Variants in RAB8A observed in about 807,000 individuals in gnomAD.
The protein encoded by RAB8A is ras-related protein Rab-8A.
Under a neutral mutation model 29.2 loss-of-function variants are expected in RAB8A, and 5 were observed. The observed-to-expected ratio is 0.17, with a 90% confidence interval of 0.09 to 0.36. The LOEUF (loss-of-function observed/expected upper bound fraction) is 0.36. Among genes scored for constraint, RAB8A ranks in the 10% least tolerant of loss-of-function variants. The pLI, the probability that RAB8A is intolerant of heterozygous loss-of-function variation, is 1.00. For synonymous variants in RAB8A, 108 were observed against 99.9 expected (o/e 1.08, Z -0.49); for missense variants, 171 against 272.2 (o/e 0.63, Z 2.62).
intron 1 of RAB8A, among the ~76,000 whole-genome samples, chr19:16,113,165 GT>G (rs2090831552): frequency 6.6e-6 from 1 of 152,206 alleles, no homozygotes; most frequent in African/African-American, 2.4e-5. Context: ...CAATGAAAAG[GT>G]TTGACCCAGG....
chr19:16,127,680 C>T lies in RAB8A; in HGVS notation c.414+154C>T, dbSNP rs183485685. On this transcript the variant is annotated intron_variant, in intron 5 of 7. Coordinates refer to ENST00000300935, the MANE Select transcript of RAB8A (RefSeq NM_005370.5). This position sits in a 1 kb window ranked among gnomAD's most constrained non-coding sequence, Gnocchi z 4.8. ...GGGATGACAGAAGCACACACCCAGC[C>T]GGGGCTTCTTGGGTGCACTCTGCGG... 392 of 645,060 alleles carry T rather than the reference C, an allele frequency of 6.1e-4. 4 individuals are homozygous for T. The Middle Eastern group carries it at 6.3e-3, about 10-fold the overall frequency. The allele number at this position is 645,060 out of a possible 1,614,324, so 40.0% of individuals were successfully genotyped here. A position where few individuals can be genotyped will look rare whatever the true frequency, so the allele number is the denominator to read the frequency against.
intron 3 of RAB8A, chr19:16,124,952 C>G: frequency 5.2e-6 from 1 of 190,704 alleles, no homozygotes; most frequent in Admixed American, 5.3e-5. Context: ...ACAGCCGGTT[C>G]CCTCTGTGGT....
intron 1 of RAB8A, among the ~76,000 whole-genome samples, chr19:16,115,660 A>C (rs1282989994): frequency 2.0e-5 from 3 of 152,228 alleles, no homozygotes; most frequent in Admixed American, 6.5e-5. Flanking sequence ...TGGGCCAGGC[A>C]GCCATTTTGG....
At chr19:16,112,075 C>T in intron 1 of RAB8A, 50 bp downstream of exon 1, 1 of 1,604,282 alleles carries the variant, frequency 6.2e-7, no homozygotes, top group Non-Finnish European at 8.5e-7. Context: ...GGGCTGGGCG[C>T]GCCCCTGAGG....
At position 16,125,010 on chromosome 19, in the gene RAB8A, C is replaced by CAGTAAA; in HGVS notation, c.247-457_247-456insAAAAGT. The stretch of plus-strand genomic sequence containing the variant: ...ATGTCGGGTCAGGACTTCCTGGGCT[C>CAGTAAA]AGTTGTGCCTGGTAGGTGGCTCAGG... On this transcript the variant is annotated intron_variant, in intron 3 of 7. Transcript: ENST00000300935. The surrounding 1 kb of genome is among the most constrained non-coding windows in gnomAD (Gnocchi z 5.0). The CAGTAAA allele has an allele frequency of 5.2e-6, 1 of 190,698 alleles. No individual in the cohort carries two copies. Among genetic ancestry groups the CAGTAAA allele is most frequent in the Non-Finnish European group, 1.1e-5 (1 of 90,062 alleles). The allele number at this position is 190,698 out of a possible 1,614,324, so 11.8% of individuals were successfully genotyped here.
Position 16,122,120 on chromosome 19 carries a change from C to T in RAB8A, c.246+310C>T. ...CTCAGTGCAGTTAAAGCCGGCATGC[C>T]CCGACTTTTAGGAGCTGTCACATGA... is the stretch of plus-strand genomic sequence containing the variant. On this transcript the variant is annotated intron_variant, in intron 3 of 7. Transcript: ENST00000300935. This position sits in a 1 kb window ranked among gnomAD's most constrained non-coding sequence, Gnocchi z 4.7. 3.6e-6 allele frequency: 1 copy of T among 279,480 alleles called. No homozygotes were observed. Among genetic ancestry groups the T allele is most frequent in the East Asian group, 6.3e-5 (1 of 15,812 alleles). The allele number at this position is 279,480 out of a possible 1,614,324, so 17.3% of individuals were successfully genotyped here. A position where few individuals can be genotyped will look rare whatever the true frequency, so the allele number is the denominator to read the frequency against.
At chr19:16,129,680 C>T (rs369936624) in intron 7 of RAB8A, 76 bp downstream of exon 7, 6 of 1,447,286 alleles carry the variant, frequency 4.1e-6, no homozygotes, top group East Asian at 2.3e-5. Context: ...AGTGATATGA[C>T]GTGCCCTAGA....
intron 1 of RAB8A, among the ~76,000 whole-genome samples, chr19:16,115,328 C>G (rs1228111879): frequency 6.6e-6 from 1 of 152,122 alleles, no homozygotes; most frequent in African/African-American, 2.4e-5. Context: ...CTGAGTGTAC[C>G]TCTGGGTTTT....
chr19:16,118,205 CTTTTT>C lies in RAB8A; in HGVS notation c.125-19_125-15del. ...GGGAAATGGGCTGACAGTGACGTGC[CTTTTT>C]TCTTTTTTCTTTCAGGAATTGACTT... On this transcript the variant is annotated splice_polypyrimidine_tract_variant and intron_variant, in intron 1 of 7. Coordinates refer to ENST00000300935, the MANE Select transcript of RAB8A (RefSeq NM_005370.5). 1 of 1,602,000 alleles carries C rather than the reference CTTTTT, an allele frequency of 6.2e-7. No homozygotes were observed. Among genetic ancestry groups the C allele is most frequent in the South Asian group, 1.1e-5 (1 of 91,008 alleles).
intron 2 of RAB8A, among the ~76,000 whole-genome samples, chr19:16,119,040 T>C (rs760170747): frequency 8.5e-5 from 13 of 152,182 alleles, no homozygotes; most frequent in Non-Finnish European, 1.3e-4. Flanking sequence ...GCAATTTCCC[T>C]GTCACCCAAA....
At chr19:16,112,379 T>C in intron 1 of RAB8A, 2 of 256,576 alleles carry the variant, frequency 7.8e-6, no homozygotes, top group Non-Finnish European at 1.5e-5. Context: ...AAGTGGAAAC[T>C]GAGTCATGGG....
Position 16,133,290 on chromosome 19 carries a change from CA to C in RAB8A, c.*988del, listed in dbSNP as rs1251783327. 6.6e-5 allele frequency: 10 copies of C among 152,386 alleles called. No homozygotes were observed. The East Asian group carries it at 1.7e-3, about 26-fold the overall frequency. The allele number at this position is 152,386 out of a possible 1,614,324, so 9.4% of individuals were successfully genotyped here. A position where few individuals can be genotyped will look rare whatever the true frequency, so the allele number is the denominator to read the frequency against. On this transcript the variant is annotated 3_prime_UTR_variant, in exon 8 of 8. Transcript: ENST00000300935. Reference sequence around the variant, plus strand: ...CCCTTGGCTGGACATGGCCAAGACACAAGGCATTCCACGGCGGCAAGCTGAC... The same window carrying C: ...CCCTTGGCTGGACATGGCCAAGACACAGGCATTCCACGGCGGCAAGCTGAC...
intron 2 of RAB8A, 34 bp downstream of exon 2, chr19:16,118,320 C>T: frequency 6.3e-7 from 1 of 1,587,188 alleles, no homozygotes; most frequent in South Asian, 1.1e-5. Flanking sequence ...TTCTCTCCAC[C>T]TGGCAATGGC....
At chr19:16,115,146 T>C (rs1047241886) in intron 1 of RAB8A, among the ~76,000 whole-genome samples, 2 of 152,072 alleles carry the variant, frequency 1.3e-5, no homozygotes, top group Admixed American at 6.6e-5. Context: ...AAATTAGCCA[T>C]ACGTGGTGGC....
In RAB8A at chr19:16,130,206, A is replaced by G. The variant is rs55835651; in HGVS notation, c.531+602A>G. On this transcript the variant is annotated intron_variant, in intron 7 of 7. Coordinates refer to ENST00000300935, the MANE Select transcript of RAB8A (RefSeq NM_005370.5). The stretch of plus-strand genomic sequence containing the variant: ...TCCTAGTCCGCTGCGCTCAGTATCA[A>G]TGGTGCTTTCTTGATGGAATCAAAC... Among the ~76,000 whole-genome samples the G allele has an allele frequency of 9.0e-3, 1,360 of 151,810 alleles. 9 individuals carry two copies. Among genetic ancestry groups the G allele is most frequent in the Non-Finnish European group, 0.015 (1,032 of 67,942 alleles).
chr19:16,131,896 T>A lies in RAB8A; in HGVS notation c.532-316T>A, dbSNP rs866495636. ...GTTGGTTGGTTGGTTGGTTGGTTGG[T>A]TGGATGGTTGGAAGGGGACAGCTGG... On this transcript the variant is annotated intron_variant, in intron 7 of 7. Coordinates refer to ENST00000300935, the MANE Select transcript of RAB8A (RefSeq NM_005370.5). 3.6e-3 allele frequency among the ~76,000 whole-genome samples: 462 copies of A among 127,494 alleles called. 3 individuals carry two copies. The highest frequency in any genetic ancestry group is 0.012 in the African/African-American group (411 of 33,906). 83.6% of individuals were successfully genotyped at this position (127,494 alleles called of 152,430 possible).
rs917082917 is a variant in RAB8A at position 16,125,806 on chromosome 19, A to G, written c.324+259A>G. On this transcript the variant is annotated intron_variant, in intron 4 of 7. Coordinates refer to ENST00000300935, the MANE Select transcript of RAB8A (RefSeq NM_005370.5). This position sits in a 1 kb window ranked among gnomAD's most constrained non-coding sequence, Gnocchi z 5.0. ...GTTGGATCTGGCCAGTGTCATGGTT[A>G]TAAGAGAAAGGATATCCAAGCTTGT... is the stretch of plus-strand genomic sequence containing the variant. The G allele has an allele frequency of 6.6e-6, 4 of 604,102 alleles. No individual in the cohort carries two copies. Among genetic ancestry groups the G allele is most frequent in the East Asian group, 3.0e-5 (1 of 33,504 alleles). 37.4% of individuals were successfully genotyped at this position (604,102 alleles called of 1,614,324 possible).
chr19:16,116,990 C>G (rs2090848694), intron 1 of RAB8A, among the ~76,000 whole-genome samples: 1 of 152,092 alleles, frequency 6.6e-6, no homozygotes, highest in Non-Finnish European at 1.5e-5. Context: ...TATGAATGAG[C>G]CTATGCTGGA....
chr19:16,121,713 CT>C (rs779564917), intron 2 of RAB8A, 36 bp from the exon 3 acceptor site: 3 of 1,594,762 alleles, frequency 1.9e-6, no homozygotes, highest in Non-Finnish European at 2.6e-6. Flanking sequence ...AGTTATTTTC[CT>C]TTAATGTTGC....
Sources: gnomAD v4.1 joint callset for allele counts (sites outside exome capture counted in the v4.1 genomes callset) on GRCh38, gnomAD v4.1.1 for gene constraint, Gnocchi (gnomAD v3.1) non-coding constraint, MANE v1.5 for transcripts, NCBI Gene and HGNC (gene_info 2026-07-23, HGNC 2026-07-21) for gene names.